Variants in NRXN3 observed in about 807,000 individuals in gnomAD.
NRXN3 encodes the protein neurexin 3, also known as neurexin III.
Under a neutral mutation model 137.6 loss-of-function variants are expected in NRXN3, and 32 were observed. That is an observed-to-expected ratio of 0.23 (90% CI 0.18 to 0.31). The LOEUF is 0.31. Ranked by LOEUF, NRXN3 falls within the 10% of genes least tolerant of loss-of-function variation. NRXN3 has a pLI of 1.00. For missense variants in NRXN3, 1,574 were observed against 2,062.5 expected (o/e 0.76, Z 4.59); for synonymous variants, 798 against 784.5 (o/e 1.02, Z -0.29).
At chr14:78,962,872 C>T (rs2099410760) in intron 11 of NRXN3, among the ~76,000 whole-genome samples, 1 of 152,108 alleles carries the variant, frequency 6.6e-6, no homozygotes, top group African/African-American at 2.4e-5. Context: ...TGCCACCACG[C>T]CAGGCTAATT....
chr14:78,870,729 C>T (rs1017834182), intron 10 of NRXN3, among the ~76,000 whole-genome samples: 6 of 151,962 alleles, frequency 3.9e-5, no homozygotes, highest in Admixed American at 3.3e-4. Flanking sequence ...TTCTACTCTC[C>T]ATCTCCATGA....
At chr14:78,452,051 C>T (rs2094564997) in intron 4 of NRXN3, among the ~76,000 whole-genome samples, 3 of 152,158 alleles carry the variant, frequency 2.0e-5, no homozygotes, top group African/African-American at 7.2e-5. Context: ...TTTTTGGAAT[C>T]CTACACTGTA....
At chr14:78,996,556 G>A (rs1178850344) in intron 15 of NRXN3, among the ~76,000 whole-genome samples, 1 of 152,176 alleles carries the variant, frequency 6.6e-6, no homozygotes, top group Non-Finnish European at 1.5e-5. Context: ...TCTAGTGTCT[G>A]TGTTATTCTT....
At chr14:79,192,768 T>C (rs72688941) in intron 15 of NRXN3, among the ~76,000 whole-genome samples, 8,577 of 90,514 alleles carry the variant, frequency 0.095, 353 homozygotes, top group Non-Finnish European at 0.13. Flanking sequence ...TCTCTTAATT[T>C]TTTTTTTTTT....
At chr14:79,332,876 G>A (rs1423429064) in intron 15 of NRXN3, among the ~76,000 whole-genome samples, 1 of 152,122 alleles carries the variant, frequency 6.6e-6, no homozygotes, top group Non-Finnish European at 1.5e-5. Flanking sequence ...GACTGTCTTA[G>A]GAAATACTAA....
Position 79,665,722 on chromosome 14 carries a change from G to C in NRXN3, c.3616+1773G>C, listed in dbSNP as rs1293096184. On this transcript the variant is annotated intron_variant, in intron 17 of 20. Transcript: ENST00000335750. Reference sequence around the variant, plus strand: ...ACAAGTTTGCTGCCAGCAATGAGCAGGCTCTTTAATGGTCATTTTTAAAGC... The same window carrying C: ...ACAAGTTTGCTGCCAGCAATGAGCACGCTCTTTAATGGTCATTTTTAAAGC... Among the ~76,000 whole-genome samples the C allele has an allele frequency of 2.6e-5, 4 of 152,130 alleles. No individual in the cohort carries two copies. The South Asian group carries it at 8.3e-4, about 32-fold the overall frequency.
At chr14:79,728,943 C>T (rs2098909791) in intron 19 of NRXN3, among the ~76,000 whole-genome samples, 1 of 152,178 alleles carries the variant, frequency 6.6e-6, no homozygotes, top group African/African-American at 2.4e-5. Flanking sequence ...TGAACACCTA[C>T]TATGTGCCAG....
intron 15 of NRXN3, among the ~76,000 whole-genome samples, chr14:79,074,260 G>T (rs2045604346): frequency 6.6e-6 from 1 of 152,036 alleles, no homozygotes; most frequent in Non-Finnish European, 1.5e-5. Flanking sequence ...AAAAATATTT[G>T]CCCAATGTAT....
chr14:79,422,855 A>T (rs2095600594), intron 15 of NRXN3, among the ~76,000 whole-genome samples: 1 of 151,752 alleles, frequency 6.6e-6, no homozygotes, highest in Non-Finnish European at 1.5e-5. Context: ...GCCCTCCACC[A>T]TGCCCGGCTA....
At chr14:79,583,421 A>T (rs930470847) in intron 16 of NRXN3, among the ~76,000 whole-genome samples, 4 of 152,126 alleles carry the variant, frequency 2.6e-5, no homozygotes, top group Non-Finnish European at 1.5e-5. Context: ...AGTGATTTTC[A>T]TCTCATTTTC....
intron 10 of NRXN3, among the ~76,000 whole-genome samples, chr14:78,845,292 GT>G (rs1043378405): frequency 6.6e-6 from 1 of 151,980 alleles, no homozygotes; most frequent in African/African-American, 2.4e-5. Context: ...TAATTTTACA[GT>G]TTTTTATATG....
intron 10 of NRXN3, among the ~76,000 whole-genome samples, chr14:78,923,543 G>A (rs773705974): frequency 6.6e-6 from 1 of 152,180 alleles, no homozygotes; most frequent in African/African-American, 2.4e-5. Context: ...GTATATTAGT[G>A]AACAGGTTCA....
chr14:79,186,255 A>G (rs1369749683), intron 15 of NRXN3, among the ~76,000 whole-genome samples: 1 of 152,084 alleles, frequency 6.6e-6, no homozygotes, highest in Non-Finnish European at 1.5e-5. Flanking sequence ...TTACCTGAAA[A>G]AAAAAGGTGT....
chr14:78,382,029 C>T (rs992862475), intron 4 of NRXN3, among the ~76,000 whole-genome samples: 6 of 152,064 alleles, frequency 3.9e-5, no homozygotes, highest in African/African-American at 1.4e-4. Context: ...CAATATTCTG[C>T]TTGTGATATT....
chr14:79,642,703 T>C (rs945730286), intron 16 of NRXN3, among the ~76,000 whole-genome samples: 2 of 135,468 alleles, frequency 1.5e-5, no homozygotes, highest in African/African-American at 4.9e-5. Context: ...CTCAGAGATA[T>C]CACTGAAGAC....
intron 2 of NRXN3, among the ~76,000 whole-genome samples, chr14:78,250,678 C>T (rs530126468): frequency 5.9e-4 from 90 of 152,280 alleles, no homozygotes; most frequent in African/African-American, 2.0e-3. Flanking sequence ...TAGATGAGAC[C>T]CAGACCCTGA....
rs377652980 is a variant in NRXN3 at position 79,610,688 on chromosome 14, G to T, written c.3445-53090G>T. Reference sequence around the variant, plus strand: ...TTAAACTGCTTCTAAATAGAGTTACGTGAGTTTTTCCCCAAAGACTCATGC... The same window carrying T: ...TTAAACTGCTTCTAAATAGAGTTACTTGAGTTTTTCCCCAAAGACTCATGC... On this transcript the variant is annotated intron_variant, in intron 16 of 20. Coordinates refer to ENST00000335750, the MANE Select transcript of NRXN3 (RefSeq NM_001330195.2). Among the ~76,000 whole-genome samples the T allele has an allele frequency of 1.5e-4, 23 of 152,288 alleles. No homozygotes were observed. The East Asian group carries it at 3.5e-3, about 23-fold the overall frequency.
Position 78,659,904 on chromosome 14 carries a change from T to C in NRXN3, c.1221+8578T>C, listed in dbSNP as rs114952988. ...TTGGCAATGTCAGTCGATTAGAGAT[T>C]CCCATTCCCCTGGCTGTGGTTGTTT... is the stretch of plus-strand genomic sequence containing the variant. On this transcript the variant is annotated intron_variant, in intron 6 of 20. Transcript: ENST00000335750. Among the ~76,000 whole-genome samples, 602 of 152,136 alleles carry C rather than the reference T, an allele frequency of 4.0e-3. 6 individuals are homozygous for C. Among genetic ancestry groups the C allele is most frequent in the African/African-American group, 0.013 (549 of 41,504 alleles).
At chr14:79,032,468 CAA>C (rs1204008326) in intron 15 of NRXN3, among the ~76,000 whole-genome samples, 1 of 152,102 alleles carries the variant, frequency 6.6e-6, no homozygotes, top group Admixed American at 6.6e-5. Flanking sequence ...AGAACTGACT[CAA>C]AGGGGCAAAA....
Sources: allele counts gnomAD v4.1 joint callset (sites outside exome capture counted in the v4.1 genomes callset), GRCh38; gene constraint gnomAD v4.1.1; transcripts MANE v1.5; gene names NCBI Gene and HGNC (gene_info 2026-07-23, HGNC 2026-07-21).